Variants in TRAK1 observed in about 807,000 individuals in gnomAD.
TRAK1 encodes the protein trafficking kinesin-binding protein 1.
TRAK1 carries 33 observed loss-of-function variants against 92.1 expected under a neutral mutation model. That is an observed-to-expected ratio of 0.36 (90% CI 0.27 to 0.48). TRAK1 has a LOEUF of 0.48. TRAK1 is among the 20% of genes least tolerant of loss of function. The pLI is 0.99. For missense variants in TRAK1, 1,123 were observed against 1,257.9 expected (o/e 0.89, Z 1.62); for synonymous variants, 521 against 517.3 (o/e 1.01, Z -0.10).
At chr3:42,208,024 A>G (rs2149495741) in intron 13 of TRAK1, among the ~76,000 whole-genome samples, 1 of 152,280 alleles carries the variant, frequency 6.6e-6, no homozygotes, top group East Asian at 1.9e-4. Context: ...GTGTCTCCAG[A>G]CATTACCAAA....
chr3:42,041,648 A>AT (rs1182604274), intron 1 of TRAK1, among the ~76,000 whole-genome samples: 1 of 151,434 alleles, frequency 6.6e-6, no homozygotes, highest in African/African-American at 2.4e-5. Context: ...ACGATGTTGA[A>AT]TAGGAGTCGT....
At chr3:42,137,462 A>G (rs1698094127) in intron 2 of TRAK1, among the ~76,000 whole-genome samples, 1 of 152,338 alleles carries the variant, frequency 6.6e-6, no homozygotes, top group East Asian at 1.9e-4. Flanking sequence ...GTTGTTATTC[A>G]TTAGTGAATG....
chr3:42,045,405 C>T (rs1024223146), intron 1 of TRAK1, among the ~76,000 whole-genome samples: 7 of 152,248 alleles, frequency 4.6e-5, no homozygotes, highest in African/African-American at 1.2e-4. Context: ...CATAGTGGCG[C>T]GTGCCTGTAA....
chr3:42,043,776 C>CCCA (rs1559718532), intron 1 of TRAK1, among the ~76,000 whole-genome samples: 2 of 152,042 alleles, frequency 1.3e-5, no homozygotes, highest in African/African-American at 4.8e-5. Context: ...ACCCCACCCC[C>CCCA]CCGCCACCCC....
At chr3:42,132,599 T>C (rs969408057) in intron 2 of TRAK1, among the ~76,000 whole-genome samples, 10 of 152,076 alleles carry the variant, frequency 6.6e-5, no homozygotes, top group South Asian at 4.1e-4. Flanking sequence ...ATTGTTTTTT[T>C]CCCCCTGAAT....
At chr3:42,044,938 T>C (rs1246184816) in intron 1 of TRAK1, among the ~76,000 whole-genome samples, 2 of 152,322 alleles carry the variant, frequency 1.3e-5, no homozygotes, top group East Asian at 3.9e-4. Context: ...ATAAAAACTT[T>C]GCCAGCTGAT....
intron 1 of TRAK1, among the ~76,000 whole-genome samples, chr3:42,096,370 A>T (rs1705911901): frequency 6.6e-6 from 1 of 152,112 alleles, no homozygotes; most frequent in Non-Finnish European, 1.5e-5. Flanking sequence ...CTCCTGCCTC[A>T]GCCTCCTGAG....
chr3:42,138,864 G>T (rs140865778), intron 2 of TRAK1, among the ~76,000 whole-genome samples: 2 of 140,588 alleles, frequency 1.4e-5, no homozygotes, highest in Non-Finnish European at 3.1e-5. Flanking sequence ...TGACCTAAAA[G>T]AAAGCATAGG....
chr3:42,194,928 G>A lies in TRAK1; in HGVS notation c.1100G>A (p.Gly367Asp). Residue 367 changes from glycine (G) to aspartate (D), a missense_variant, in exon 10 of 16, where the codon GGC (glycine) becomes GAC (aspartate). Gly to Asp is a moderately conservative substitution (Grantham distance 94). Transcript: ENST00000327628. ...ACGTCTCGGCGCTACCACTCACTGG[G>A]CCTGTTTCCCATGGTGAGCTGTGCT... is the stretch of plus-strand genomic sequence containing the variant. ...NTTSRRYHSL[G>D]LFPMDSLAAE... is the part of the protein sequence containing the mutation. 2.5e-6 allele frequency: 4 copies of A among 1,613,714 alleles called. No homozygotes were observed. Among genetic ancestry groups the A allele is most frequent in the South Asian group, 2.2e-5 (2 of 90,948 alleles).
chr3:42,213,473 AG>A (rs1709321612), intron 14 of TRAK1, among the ~76,000 whole-genome samples: 1 of 152,268 alleles, frequency 6.6e-6, no homozygotes, highest in African/African-American at 2.4e-5. Context: ...GCCAGGAATC[AG>A]CTTCTTTCGT....
intron 1 of TRAK1, among the ~76,000 whole-genome samples, chr3:42,098,563 AGAGG>A (rs1175005722): frequency 6.6e-6 from 1 of 152,126 alleles, no homozygotes; most frequent in Non-Finnish European, 1.5e-5. Context: ...CCTGCGGGAG[AGAGG>A]GAGGGAGAAA....
At chr3:42,127,689 T>C (rs1710767821) in intron 2 of TRAK1, among the ~76,000 whole-genome samples, 1 of 152,128 alleles carries the variant, frequency 6.6e-6, no homozygotes, top group Non-Finnish European at 1.5e-5. Context: ...ATCACTGACA[T>C]TTACAGTGTA....
intron 2 of TRAK1, among the ~76,000 whole-genome samples, chr3:42,138,972 A>C (rs1698334821): frequency 6.7e-6 from 1 of 149,798 alleles, no homozygotes; most frequent in Admixed American, 6.7e-5. Context: ...GTTGTCACCT[A>C]GACGTGTGCG....
intron 1 of TRAK1, among the ~76,000 whole-genome samples, chr3:42,055,107 A>G (rs1416392769): frequency 6.6e-6 from 1 of 151,722 alleles, no homozygotes; most frequent in African/African-American, 2.4e-5. Flanking sequence ...TTTAGTAGAG[A>G]CAGGGTTTCG....
At chr3:42,042,935 T>C (rs9850297) in intron 1 of TRAK1, among the ~76,000 whole-genome samples, 1 of 151,834 alleles carries the variant, frequency 6.6e-6, no homozygotes, top group Non-Finnish European at 1.5e-5. Flanking sequence ...ATTATACTTA[T>C]CTCCTCATCT....
upstream of TRAK1, among the ~76,000 whole-genome samples, chr3:42,082,656 T>TAA (rs533743684): frequency 0.033 from 4,760 of 145,586 alleles, 274 homozygotes; most frequent in African/African-American, 0.11. Context: ...GAGCCTTTGT[T>TAA]AAAAAAAAAA....
intron 1 of TRAK1, among the ~76,000 whole-genome samples, chr3:42,050,932 T>G (rs1238656355): frequency 6.6e-6 from 1 of 152,242 alleles, no homozygotes; most frequent in Non-Finnish European, 1.5e-5. Flanking sequence ...ATTAAGGAAA[T>G]AAAGTCGGAG....
rs557319446 is a variant in TRAK1, at chr3:42,202,956, A to G, written c.1744+204A>G. 8.8e-5 allele frequency: 122 copies of G among 1,393,720 alleles called. 1 individual carries two copies. Among genetic ancestry groups the G allele is most frequent in the Middle Eastern group, 1.9e-4 (1 of 5,338 alleles). The allele number at this position is 1,393,720 out of a possible 1,614,324, so 86.3% of individuals were successfully genotyped here. A position where few individuals can be genotyped will look rare whatever the true frequency, so the allele number is the denominator to read the frequency against. On this transcript the variant is annotated intron_variant, in intron 13 of 15. Transcript: ENST00000327628. The surrounding 1 kb of genome is among the most constrained non-coding windows in gnomAD (Gnocchi z 6.1). ...TCCCCTCTGGCTGGCAGGTGTGACA[A>G]TGCACACATAGGCCATGAAACTCGC...
At chr3:42,047,352 T>C (rs1702794806) in intron 1 of TRAK1, among the ~76,000 whole-genome samples, 1 of 150,350 alleles carries the variant, frequency 6.7e-6, no homozygotes, top group African/African-American at 2.5e-5. Context: ...CACACCACTG[T>C]GCCCGGGTGA....
Sources: allele counts gnomAD v4.1 joint callset (sites outside exome capture counted in the v4.1 genomes callset), GRCh38; gene constraint gnomAD v4.1.1; non-coding constraint Gnocchi (gnomAD v3.1); transcripts MANE v1.5; gene names NCBI Gene and HGNC (gene_info 2026-07-23, HGNC 2026-07-21).